DISP1: variants seen among roughly 807,000 people sequenced by gnomAD.
The protein encoded by DISP1 is dispatched RND transporter family member 1.
DISP1 carries 30 observed loss-of-function variants against 37.3 expected under a neutral mutation model. The ratio of observed to expected loss-of-function variants is 0.80; its 90% CI spans 0.60 to 1.09. The LOEUF (loss-of-function observed/expected upper bound fraction) is 1.09. Among genes scored for constraint, DISP1 ranks in the 50% least tolerant of loss-of-function variants. DISP1 has a pLI of 0.00. For synonymous variants in DISP1, 634 were observed against 690.2 expected, an observed-to-expected ratio of 0.92 and a Z score of 1.28; for missense variants, 1,598 against 1,879.5, an observed-to-expected ratio of 0.85 and a Z score of 2.77.
At chr1:222,830,411 C>T (rs199742845) in intron 1 of DISP1, among the ~76,000 whole-genome samples, 5 of 151,556 alleles carry the variant, frequency 3.3e-5, no homozygotes, top group East Asian at 1.9e-4. Context: ...GACAGCGTCT[C>T]GCCCTGTCAC....
intron 1 of DISP1, among the ~76,000 whole-genome samples, chr1:222,857,068 C>T (rs1370614363): frequency 6.6e-6 from 1 of 152,094 alleles, no homozygotes; most frequent in African/African-American, 2.4e-5. Context: ...CAATTATTCT[C>T]TTCAAATCCG....
chr1:222,864,947 G>A (rs575146396), intron 1 of DISP1, among the ~76,000 whole-genome samples: 51 of 152,176 alleles, frequency 3.4e-4, no homozygotes, highest in African/African-American at 1.1e-3. Flanking sequence ...GGTTTCATTC[G>A]CCTGTGCCCT....
rs976555303 is a variant in DISP1 at position 223,005,829 on chromosome 1, A to G, written c.4432A>G (p.Asn1478Asp). 5 of 1,614,124 alleles carry G rather than the reference A, an allele frequency of 3.1e-6. No homozygotes were observed. In the Admixed American group the frequency reaches 5.0e-5, roughly 16 times the overall value. Residue 1478 changes from asparagine to aspartate, a missense_variant, in exon 9 of 9, where the codon AAT (asparagine) becomes GAT (aspartate). By Grantham distance (23) the Asn-to-Asp change is conservative. Coordinates refer to ENST00000675850, the MANE Select transcript of DISP1 (RefSeq NM_001377229.1). ...GGAGGCTGGTTGTAGGTCTTGCCCA[A>G]ATAATTCACAAAGTTGTGGCAGAAT... ...MGEAGCRSCP[N>D]NSQSCGRIVR...
At chr1:222,993,640 A>G (rs1678857057) in intron 7 of DISP1, among the ~76,000 whole-genome samples, 1 of 152,196 alleles carries the variant, frequency 6.6e-6, no homozygotes, top group Non-Finnish European at 1.5e-5. Context: ...CTCTTCTCTT[A>G]AAAAACATTA....
At chr1:222,919,593 G>A (rs549178059) in intron 1 of DISP1, among the ~76,000 whole-genome samples, 47 of 152,218 alleles carry the variant, frequency 3.1e-4, no homozygotes, top group African/African-American at 1.1e-3. Context: ...GTCCCCCTTC[G>A]TTCAGTCCTG....
chr1:222,971,039 T>C (rs1218624481), intron 3 of DISP1, among the ~76,000 whole-genome samples: 1 of 152,158 alleles, frequency 6.6e-6, no homozygotes, highest in Non-Finnish European at 1.5e-5. Flanking sequence ...TAGTTGATTT[T>C]TTTTCTTTTC....
intron 1 of DISP1, among the ~76,000 whole-genome samples, chr1:222,865,618 A>G (rs1669140247): frequency 6.6e-6 from 1 of 152,220 alleles, no homozygotes; most frequent in African/African-American, 2.4e-5. Flanking sequence ...TATATTCTGT[A>G]TCTTTTAAGT....
At chr1:222,992,634 A>G (rs1046124689) in intron 7 of DISP1, among the ~76,000 whole-genome samples, 9 of 152,140 alleles carry the variant, frequency 5.9e-5, no homozygotes, top group Non-Finnish European at 1.3e-4. Flanking sequence ...AGAGAGGTGA[A>G]AAAAATAAAG....
Position 222,884,530 on chromosome 1 carries a change from C to T in DISP1, c.-158-43900C>T, listed in dbSNP as rs188798864. ...TTTAAGGTTTCTTTTTAAAAATGTT[C>T]CTCAATTTGGGTATAGCTTATGTTT... On this transcript the variant is annotated intron_variant, in intron 1 of 8. Transcript: ENST00000675850. 3.4e-3 allele frequency among the ~76,000 whole-genome samples: 516 copies of T among 152,080 alleles called. 3 individuals are homozygous for T. Among genetic ancestry groups the T allele is most frequent in the Middle Eastern group, 6.8e-3 (2 of 294 alleles).
chr1:222,829,075 G>A (rs1339584777), intron 1 of DISP1, among the ~76,000 whole-genome samples: 1 of 152,136 alleles, frequency 6.6e-6, no homozygotes, highest in East Asian at 1.9e-4. Context: ...TGATGAAGAA[G>A]CAACAGAGGA....
intron 1 of DISP1, among the ~76,000 whole-genome samples, chr1:222,847,504 T>C (rs1009120411): frequency 6.6e-6 from 1 of 152,220 alleles, no homozygotes; most frequent in Non-Finnish European, 1.5e-5. Flanking sequence ...ATATAGATAG[T>C]ACACATATAT....
At chr1:222,847,226 C>A (rs1285391104) in intron 1 of DISP1, among the ~76,000 whole-genome samples, 4 of 152,198 alleles carry the variant, frequency 2.6e-5, no homozygotes, top group African/African-American at 9.6e-5. Flanking sequence ...GACATGTCCT[C>A]ATAGTTATTT....
At chr1:222,819,880 A>AT (rs75976907) in intron 1 of DISP1, among the ~76,000 whole-genome samples, 24,871 of 151,678 alleles carry the variant, frequency 0.16, 2,338 homozygotes, top group South Asian at 0.26. Context: ...GGTGTTTAAA[A>AT]TTTTTTTTTA....
intron 1 of DISP1, among the ~76,000 whole-genome samples, chr1:222,861,209 C>G (rs920826353): frequency 2.0e-5 from 3 of 152,280 alleles, no homozygotes; most frequent in African/African-American, 7.2e-5. Context: ...AATACTTAGC[C>G]TGTAAGTTCT....
chr1:222,941,461 G>T (rs1231999727), intron 2 of DISP1, among the ~76,000 whole-genome samples: 4 of 152,176 alleles, frequency 2.6e-5, no homozygotes, highest in African/African-American at 9.7e-5. Flanking sequence ...GTTTTTAAAT[G>T]CTTTGTCTTC....
intron 3 of DISP1, among the ~76,000 whole-genome samples, chr1:222,954,481 CT>C (rs1675450522): frequency 1.3e-5 from 2 of 152,172 alleles, no homozygotes; most frequent in South Asian, 4.1e-4. Flanking sequence ...CAAAATACAT[CT>C]TTTTCTGTAA....
chr1:222,892,349 G>A (rs1045113225), intron 1 of DISP1, among the ~76,000 whole-genome samples: 1 of 152,204 alleles, frequency 6.6e-6, no homozygotes, highest in African/African-American at 2.4e-5. Context: ...CCGTGTACTA[G>A]TGTGTATTCC....
chr1:222,970,861 G>A (rs976243303), intron 3 of DISP1, among the ~76,000 whole-genome samples: 2 of 152,082 alleles, frequency 1.3e-5, no homozygotes, highest in African/African-American at 4.8e-5. Flanking sequence ...AATCTACACC[G>A]TGACAAATTG....
chr1:222,902,063 C>T (rs1267205546), intron 1 of DISP1, among the ~76,000 whole-genome samples: 1 of 151,738 alleles, frequency 6.6e-6, no homozygotes, highest in South Asian at 2.1e-4. Context: ...CTTTATTAGT[C>T]TTGCTAGCGG....
Sources: allele counts gnomAD v4.1 joint callset (sites outside exome capture counted in the v4.1 genomes callset), GRCh38; gene constraint gnomAD v4.1.1; transcripts MANE v1.5; gene names NCBI Gene and HGNC (gene_info 2026-07-23, HGNC 2026-07-21).